ITGAV: variants seen among roughly 807,000 people sequenced by gnomAD.
The protein encoded by ITGAV is integrin alpha-V.
ITGAV carries 76 observed loss-of-function variants against 143.8 expected under a neutral mutation model. That is an observed-to-expected ratio of 0.53 (90% CI 0.44 to 0.64). The LOEUF (loss-of-function observed/expected upper bound fraction) is 0.64, where lower values mean the gene tolerates loss of function less well. ITGAV is among the 30% of genes least tolerant of loss of function. The pLI is 0.00. For missense variants in ITGAV, 1,193 were observed against 1,274.7 expected (o/e 0.94, Z 0.98); for synonymous variants, 453 against 446.7 (o/e 1.01, Z -0.18).
intron 2 of ITGAV, among the ~76,000 whole-genome samples, chr2:186,614,675 C>G (rs532944682): frequency 4.3e-4 from 65 of 151,584 alleles, no homozygotes; most frequent in Middle Eastern, 3.4e-3. Context: ...ATTTTGTTTT[C>G]TATTATCCGT....
At chr2:186,607,734 A>G (rs527441958) in intron 2 of ITGAV, among the ~76,000 whole-genome samples, 4 of 152,358 alleles carry the variant, frequency 2.6e-5, no homozygotes, top group East Asian at 3.9e-4. Flanking sequence ...TATTAAAACC[A>G]CTTTCTATTC....
chr2:186,631,817 T>G (rs1225368975), intron 5 of ITGAV, among the ~76,000 whole-genome samples: 1 of 152,144 alleles, frequency 6.6e-6, no homozygotes, highest in Non-Finnish European at 1.5e-5. Flanking sequence ...AGGATCACTG[T>G]AGCCCAGGAG....
At position 186,667,756 on chromosome 2, in the gene ITGAV, G is replaced by A; in HGVS notation, c.2413G>A (p.Val805Ile). 1.2e-6 allele frequency: 2 copies of A among 1,609,984 alleles called. No individual in the cohort carries two copies. Among genetic ancestry groups the A allele is most frequent in the Non-Finnish European group, 1.7e-6 (2 of 1,177,252 alleles). The change falls in exon 24 of 30, where the codon GTT (valine) becomes ATT (isoleucine). Residue 805 changes from valine to isoleucine, a missense_variant. Transcript: ENST00000261023. ...NPETEEDVGPVVQHIYELRNN... is the reference protein window; with the variant it reads ...NPETEEDVGPIVQHIYELRNN... ...TGAGACTGAAGAAGATGTTGGGCCA[G>A]TTGTTCAGCACATCTATGAGGTTTG...
chr2:186,619,476 G>A (rs1305432474), intron 2 of ITGAV, among the ~76,000 whole-genome samples: 2 of 152,094 alleles, frequency 1.3e-5, no homozygotes, highest in Non-Finnish European at 2.9e-5. Context: ...AAGTTCTAGT[G>A]TTTTCTACCA....
intron 2 of ITGAV, among the ~76,000 whole-genome samples, chr2:186,613,955 G>A (rs1202226923): frequency 6.6e-6 from 1 of 151,986 alleles, no homozygotes; most frequent in Non-Finnish European, 1.5e-5. Flanking sequence ...AAAGAAGGAA[G>A]AGGTTCCTAG....
intron 2 of ITGAV, among the ~76,000 whole-genome samples, chr2:186,605,477 C>T (rs1223855317): frequency 6.6e-6 from 1 of 152,176 alleles, no homozygotes; most frequent in East Asian, 1.9e-4. Flanking sequence ...CTTGTACTTC[C>T]ATCCTCTTCT....
chr2:186,649,381 C>T (rs1688361994), intron 13 of ITGAV, among the ~76,000 whole-genome samples: 1 of 151,688 alleles, frequency 6.6e-6, no homozygotes, highest in African/African-American at 2.4e-5. Context: ...ACCAGTTGAA[C>T]CTGTGGCATA....
intron 26 of ITGAV, among the ~76,000 whole-genome samples, chr2:186,673,275 A>G (rs915568933): frequency 6.6e-6 from 1 of 152,218 alleles, no homozygotes; most frequent in Non-Finnish European, 1.5e-5. Context: ...CAGTTGACCT[A>G]TATGTATATC....
intron 13 of ITGAV, among the ~76,000 whole-genome samples, chr2:186,648,733 T>C (rs1025840481): frequency 8.6e-5 from 13 of 152,008 alleles, no homozygotes; most frequent in Non-Finnish European, 1.8e-4. Context: ...GACTTCGTGA[T>C]CTGCCTGCCT....
At chr2:186,642,150 C>T (rs75021358) in intron 12 of ITGAV, among the ~76,000 whole-genome samples, 4 of 152,034 alleles carry the variant, frequency 2.6e-5, no homozygotes, top group Non-Finnish European at 5.9e-5. Context: ...TAATAGTTGT[C>T]GATATCTTTA....
At chr2:186,668,199 TATATATATATATA>T (rs1688957399) in intron 24 of ITGAV, among the ~76,000 whole-genome samples, 3 of 17,896 alleles carry the variant, frequency 1.7e-4, no homozygotes, top group Non-Finnish European at 2.8e-4. Context: ...TATATATATA[TATATATATATATA>T]TATATTTTTT....
intron 2 of ITGAV, among the ~76,000 whole-genome samples, chr2:186,619,196 G>A (rs1413365702): frequency 6.6e-6 from 1 of 151,364 alleles, no homozygotes; most frequent in Non-Finnish European, 1.5e-5. Context: ...GGAAAAATGT[G>A]GTGTGTGTAC....
In ITGAV at chr2:186,633,477, A is replaced by G. The variant is rs1454320925; in HGVS notation, c.631+103A>G. The G allele has an allele frequency of 2.4e-5, 14 of 574,512 alleles. No homozygotes were observed. The South Asian group carries it at 3.1e-4, about 13-fold the overall frequency. 35.6% of individuals were successfully genotyped at this position (574,512 alleles called of 1,614,324 possible). ...TTTACAAATTATTTTAAAGAAAGAA[A>G]TGGAAATACAATTAAAGTATATAAA... On this transcript the variant is annotated intron_variant, in intron 6 of 29. Transcript: ENST00000261023.
In ITGAV at chr2:186,667,154, A is replaced by C; in HGVS notation, c.2251A>C (p.Asn751His). Residue 751 changes from asparagine (N) to histidine (H), a missense_variant, in exon 23 of 30, where the codon AAT becomes CAT. Coordinates refer to ENST00000261023, the MANE Select transcript of ITGAV (RefSeq NM_002210.5). ...VKFDLQIQSS[N>H]LFDKVSPVVS... ...GTTTTTTTTTTTCTTTTTCAGCTCA[A>C]ATCTATTTGACAAAGTAAGCCCAGT... 1 of 1,607,114 alleles carries C rather than the reference A, an allele frequency of 6.2e-7. No homozygotes were observed. Among genetic ancestry groups the C allele is most frequent in the Non-Finnish European group, 8.5e-7 (1 of 1,177,158 alleles).
Position 186,645,524 on chromosome 2 carries a change from A to C in ITGAV, c.1160-1162A>C, listed in dbSNP as rs570687470. ...ATGAGATTTGCATGGTAAACAATGG[A>C]AATACCAGGTAGGGTTTAGAACTTA... is the stretch of plus-strand genomic sequence containing the variant. On this transcript the variant is annotated intron_variant, in intron 12 of 29. Transcript: ENST00000261023. 1.8e-3 allele frequency among the ~76,000 whole-genome samples: 268 copies of C among 152,232 alleles called. 1 individual carries two copies. Among genetic ancestry groups the C allele is most frequent in the African/African-American group, 6.2e-3 (258 of 41,554 alleles).
At chr2:186,676,633 T>C (rs991935685) in intron 28 of ITGAV, among the ~76,000 whole-genome samples, 180 bp from the exon 29 acceptor site, 1 of 152,248 alleles carries the variant, frequency 6.6e-6, no homozygotes, top group South Asian at 2.1e-4. Flanking sequence ...CAGCCTATCA[T>C]TGGGAGTTTC....
chr2:186,664,519 G>A lies in ITGAV; in HGVS notation c.1951G>A (p.Asp651Asn), dbSNP rs1688833761. ...DSDQKKIYIG[D>N]DNPLTLIVKA... Reference sequence around the variant, plus strand: ...TGATCAAAAGAAGATCTATATTGGGGATGACAACCCTCTGACATTGATTGT... The same window carrying A: ...TGATCAAAAGAAGATCTATATTGGGAATGACAACCCTCTGACATTGATTGT... The change falls in exon 20 of 30, where the codon GAT (aspartate) becomes AAT (asparagine). Residue 651 changes from aspartate to asparagine, a missense_variant. By Grantham distance (23) the Asp-to-Asn change is conservative. Coordinates refer to ENST00000261023, the MANE Select transcript of ITGAV (RefSeq NM_002210.5). 6.2e-7 allele frequency: 1 copy of A among 1,613,800 alleles called. No individual in the cohort carries two copies.
rs201617888 is a variant in ITGAV at position 186,675,647 on chromosome 2, G to A, written c.2750G>A (p.Gly917Glu). Residue 917 changes from glycine to glutamate, a missense_variant, in exon 27 of 30, where the codon GGG becomes GAG. Physicochemically the swap from Gly to Glu is moderately conservative, Grantham distance 98. Transcript: ENST00000261023. The part of the protein sequence containing the change: ...AQCLKIVCQV[G>E]RLDRGKSAIL... ...TGCTTGAAGATTGTCTGCCAAGTTG[G>A]GAGATTAGACAGAGGAAAGAGTGCA... 15 of 1,613,930 alleles carry A rather than the reference G, an allele frequency of 9.3e-6. No homozygotes were observed. The African/African-American group carries it at 1.7e-4, about 19-fold the overall frequency.
At chr2:186,664,917 G>C (rs1688846893) in intron 20 of ITGAV, among the ~76,000 whole-genome samples, 1 of 152,148 alleles carries the variant, frequency 6.6e-6, no homozygotes, top group Admixed American at 6.5e-5. Flanking sequence ...GTCAGAGGCT[G>C]TATGGTTTTG....
Sources: gnomAD v4.1 joint callset for allele counts (sites outside exome capture counted in the v4.1 genomes callset) on GRCh38, gnomAD v4.1.1 for gene constraint, MANE v1.5 for transcripts, NCBI Gene and HGNC (gene_info 2026-07-23, HGNC 2026-07-21) for gene names.